Variants in DTL observed in about 807,000 individuals in gnomAD.
The protein encoded by DTL is denticleless protein homolog.
A neutral mutation model predicts 87.0 loss-of-function variants in DTL; 46 were observed. The ratio of observed to expected loss-of-function variants is 0.53; its 90% CI spans 0.42 to 0.68. The LOEUF (loss-of-function observed/expected upper bound fraction) is 0.68. Among genes scored for constraint, DTL ranks in the 30% least tolerant of loss-of-function variants. The probability of loss-of-function intolerance (pLI) is 0.00; values close to 1 mark genes in which losing one functional copy is unlikely to be tolerated. For missense variants in DTL, 737 were observed against 869.4 expected, an observed-to-expected ratio of 0.85 and a Z score of 1.91; for synonymous variants, 308 against 311.2, an observed-to-expected ratio of 0.99 and a Z score of 0.11.
chr1:212,100,455 G>GTC lies in DTL; in HGVS notation c.1470_1471dup (p.Pro491LeufsTer16). The GTC allele has an allele frequency of 2.5e-6, 4 of 1,613,892 alleles. No individual in the cohort carries two copies. The highest frequency in any genetic ancestry group is 3.4e-6 in the Non-Finnish European group (4 of 1,179,968). ...CAACAGAAGAGGCTCTGTCTCCTCC[G>GTC]TCTCTCCCAAGCCACCTTCATCTTT... On this transcript the variant is annotated frameshift_variant, in exon 14 of 15. Transcript: ENST00000366991. LOFTEE classifies it high-confidence loss of function.
intron 13 of DTL, among the ~76,000 whole-genome samples, chr1:212,092,056 A>G (rs1180991798): frequency 1.3e-5 from 2 of 152,176 alleles, no homozygotes; most frequent in African/African-American, 4.8e-5. Flanking sequence ...AATTTGGTGC[A>G]CCCATCACCC....
Position 212,104,870 on chromosome 1 carries a change from T to C in DTL, c.*1930T>C, listed in dbSNP as rs2102594025. ...ATCTGATGTCCTTTTCTGAGCTTTTTGCATTACCTAGAAGCAGTCTACAAA... is the reference window on the plus strand; with the variant it reads ...ATCTGATGTCCTTTTCTGAGCTTTTCGCATTACCTAGAAGCAGTCTACAAA... On this transcript the variant is annotated 3_prime_UTR_variant, in exon 15 of 15. Transcript: ENST00000366991. The C allele has an allele frequency of 6.6e-6, 1 of 152,356 alleles. No individual in the cohort carries two copies. The highest frequency in any genetic ancestry group is 2.1e-4 in the South Asian group (1 of 4,834). The allele number at this position is 152,356 out of a possible 1,614,324, so 9.4% of individuals were successfully genotyped here.
At chr1:212,082,978 G>A (rs1655030189) in intron 13 of DTL, among the ~76,000 whole-genome samples, 1 of 152,230 alleles carries the variant, frequency 6.6e-6, no homozygotes. Context: ...AGCAATGCAA[G>A]TGAAGAAGGA....
chr1:212,052,655 A>AAG (rs1668026157), intron 5 of DTL, among the ~76,000 whole-genome samples: 2 of 151,460 alleles, frequency 1.3e-5, no homozygotes, highest in Non-Finnish European at 2.9e-5. Flanking sequence ...AAAAAAAAAA[A>AAG]AAAAGAAATA....
At chr1:212,084,988 T>C (rs1296332586) in intron 13 of DTL, among the ~76,000 whole-genome samples, 1 of 152,214 alleles carries the variant, frequency 6.6e-6, no homozygotes, top group East Asian at 1.9e-4. Flanking sequence ...TTTTATCATC[T>C]CTAGATTACT....
Position 212,039,172 on chromosome 1 carries a change from A to T in DTL, c.52+3230A>T, listed in dbSNP as rs949404911. 1.1e-4 allele frequency among the ~76,000 whole-genome samples: 17 copies of T among 152,204 alleles called. 1 individual carries two copies. The highest frequency in any genetic ancestry group is 3.9e-4 in the African/African-American group (16 of 41,460). On this transcript the variant is annotated intron_variant, in intron 1 of 14. Coordinates refer to ENST00000366991, the MANE Select transcript of DTL (RefSeq NM_016448.4). Reference sequence around the variant, plus strand: ...TCCAAGTATTAAAACTTCTTTATGGATTGAATTTTCAATTCAATTATTAGT... The same window carrying T: ...TCCAAGTATTAAAACTTCTTTATGGTTTGAATTTTCAATTCAATTATTAGT...
intron 1 of DTL, among the ~76,000 whole-genome samples, 186 bp downstream of exon 1, chr1:212,036,128 T>C (rs927336337): frequency 3.3e-5 from 5 of 152,200 alleles, no homozygotes; most frequent in Non-Finnish European, 5.9e-5. Flanking sequence ...GGGACACTTG[T>C]AATCGTAATC....
chr1:212,064,258 A>G (rs1479317045), intron 6 of DTL, among the ~76,000 whole-genome samples: 2 of 152,188 alleles, frequency 1.3e-5, no homozygotes, highest in African/African-American at 4.8e-5. Flanking sequence ...AGCAGAAAGT[A>G]CAGAGAGTTC....
intron 5 of DTL, among the ~76,000 whole-genome samples, chr1:212,052,817 A>T (rs1410083218): frequency 1.3e-5 from 2 of 150,770 alleles, no homozygotes; most frequent in Non-Finnish European, 2.9e-5. Flanking sequence ...TTTTTCAGTT[A>T]TCCTAAACTT....
At chr1:212,050,216 G>T (rs941074057) in intron 5 of DTL, among the ~76,000 whole-genome samples, 5 of 152,060 alleles carry the variant, frequency 3.3e-5, no homozygotes, top group Non-Finnish European at 5.9e-5. Flanking sequence ...ATCAATCAGA[G>T]GACCATATAA....
At chr1:212,041,311 G>A (rs1667633720) in intron 1 of DTL, among the ~76,000 whole-genome samples, 1 of 151,928 alleles carries the variant, frequency 6.6e-6, no homozygotes, top group African/African-American at 2.4e-5. Context: ...AAAAATTGTA[G>A]GTTTTTTGGA....
chr1:212,100,425 C>T lies in DTL; in HGVS notation c.1435C>T (p.Pro479Ser). 1 of 1,614,006 alleles carries T rather than the reference C, an allele frequency of 6.2e-7. No homozygotes were observed. The highest frequency in any genetic ancestry group is 8.5e-7 in the Non-Finnish European group (1 of 1,179,986). ...IKTSPAKARS[P>S]INRRGSVSSV... is the part of the protein sequence containing the mutation. ...AACCTCTCCTGCCAAGGCCCGGTCT[C>T]CCATCAACAGAAGAGGCTCTGTCTC... is the stretch of plus-strand genomic sequence containing the variant. Residue 479 changes from proline to serine, a missense_variant, in exon 14 of 15, where the codon CCC becomes TCC. Transcript: ENST00000366991.
chr1:212,039,734 T>C (rs1373070645), intron 1 of DTL, among the ~76,000 whole-genome samples: 5 of 152,262 alleles, frequency 3.3e-5, no homozygotes, highest in Non-Finnish European at 7.3e-5. Context: ...AGCATATTAC[T>C]GTATTGAATA....
intron 13 of DTL, among the ~76,000 whole-genome samples, chr1:212,081,883 A>T (rs191418733): frequency 7.7e-4 from 118 of 152,324 alleles, no homozygotes; most frequent in African/African-American, 2.8e-3. Flanking sequence ...TATGATTATT[A>T]AACACCCAAA....
intron 7 of DTL, among the ~76,000 whole-genome samples, chr1:212,065,540 C>T (rs966301853): frequency 6.6e-6 from 1 of 151,994 alleles, no homozygotes; most frequent in Non-Finnish European, 1.5e-5. Context: ...AAAAATCTCT[C>T]TACACACACA....
chr1:212,050,776 G>C (rs1410047355), intron 5 of DTL, among the ~76,000 whole-genome samples: 1 of 151,976 alleles, frequency 6.6e-6, no homozygotes, highest in Non-Finnish European at 1.5e-5. Context: ...TCTTTTAGTT[G>C]TTACTGTTTC....
chr1:212,085,273 G>A (rs80328226), intron 13 of DTL, among the ~76,000 whole-genome samples: 1,710 of 152,182 alleles, frequency 0.011, 15 homozygotes, highest in Middle Eastern at 0.041. Flanking sequence ...CCTAAAATGA[G>A]GGTTCCAATT....
At chr1:212,063,378 C>T (rs914558607) in intron 6 of DTL, among the ~76,000 whole-genome samples, 3 of 151,292 alleles carry the variant, frequency 2.0e-5, no homozygotes, top group African/African-American at 4.9e-5. Context: ...ACTCCCCACC[C>T]GCTGGGTTCC....
chr1:212,063,293 A>AT (rs1293755286), intron 6 of DTL, among the ~76,000 whole-genome samples: 37 of 148,192 alleles, frequency 2.5e-4, no homozygotes, highest in East Asian at 9.8e-4. Context: ...TTTTATTATT[A>AT]TTATTTTTTT....
Sources: allele counts gnomAD v4.1 joint callset (sites outside exome capture counted in the v4.1 genomes callset), GRCh38; gene constraint gnomAD v4.1.1; transcripts MANE v1.5; gene names NCBI Gene and HGNC (gene_info 2026-07-23, HGNC 2026-07-21).